ESRP2: variants seen among roughly 807,000 people sequenced by gnomAD.
The protein encoded by ESRP2 is RNA binding motif protein 35A.
ESRP2 carries 48 observed loss-of-function variants against 78.6 expected under a neutral mutation model. The observed-to-expected ratio is 0.61, with a 90% confidence interval of 0.48 to 0.78. The LOEUF (loss-of-function observed/expected upper bound fraction) is 0.78. Among genes scored for constraint, ESRP2 ranks in the 30% least tolerant of loss-of-function variants. The pLI is 0.00. For synonymous variants in ESRP2, 383 were observed against 406.7 expected (o/e 0.94, Z 0.70); for missense variants, 863 against 965.9 (o/e 0.89, Z 1.41).
At position 68,232,069 on chromosome 16, in the gene ESRP2, C is replaced by T; in HGVS notation, c.1032G>A (p.Arg344=). Reference sequence around the variant, plus strand: ...GCAGCCGCAGGATCACTTGGTCTTCCCGTGACAAGAAACGAGCCACCTCTA... The same window carrying T: ...GCAGCCGCAGGATCACTTGGTCTTCTCGTGACAAGAAACGAGCCACCTCTA... ...TSLEVARFLS[R]EDQVILRLRG... Residue 344 remains arginine, a synonymous_variant, in exon 10 of 15, where the codon CGG becomes CGA. Coordinates refer to ENST00000473183, the MANE Select transcript of ESRP2 (RefSeq NM_024939.3). This position sits in a 1 kb window ranked among gnomAD's most constrained non-coding sequence, Gnocchi z 5.2. 1 of 1,613,564 alleles carries T rather than the reference C, an allele frequency of 6.2e-7. No homozygotes were observed. Among genetic ancestry groups the T allele is most frequent in the Non-Finnish European group, 8.5e-7 (1 of 1,179,690 alleles).
intron 4 of ESRP2, 114 bp downstream of exon 4, chr16:68,233,654 T>C (rs916129184): frequency 4.4e-5 from 36 of 819,748 alleles, no homozygotes; most frequent in Non-Finnish European, 7.0e-5. Flanking sequence ...CTCAGGGACT[T>C]AGCAGATAAC....
rs959921725 is a variant in ESRP2 at position 68,235,046 on chromosome 16, G to C, written c.327+588C>G. 1.9e-5 allele frequency: 16 copies of C among 850,562 alleles called. No homozygotes were observed. Among genetic ancestry groups the C allele is most frequent in the Middle Eastern group, 1.2e-3 (2 of 1,694 alleles). 52.7% of individuals were successfully genotyped at this position (850,562 alleles called of 1,614,324 possible). A position where few individuals can be genotyped will look rare whatever the true frequency, so the allele number is the denominator to read the frequency against. Reference sequence around the variant, plus strand: ...GCAATGGAAACCACCTCCCACTTCAGCTAGGGCAGGAGGCACCCCAGGCCT... The same window carrying C: ...GCAATGGAAACCACCTCCCACTTCACCTAGGGCAGGAGGCACCCCAGGCCT... On this transcript the variant is annotated intron_variant, in intron 2 of 14. Coordinates refer to ENST00000473183, the MANE Select transcript of ESRP2 (RefSeq NM_024939.3). The surrounding 1 kb of genome is among the most constrained non-coding windows in gnomAD (Gnocchi z 5.5).
rs1555526244 is a variant in ESRP2 at position 68,230,902 on chromosome 16, C to G, written c.1837G>C (p.Val613Leu). The G allele has an allele frequency of 5.0e-6, 8 of 1,613,856 alleles. No individual in the cohort carries two copies. The highest frequency in any genetic ancestry group is 6.8e-6 in the Non-Finnish European group (8 of 1,179,926). The change falls in exon 13 of 15, where the codon GTT becomes CTT. Residue 613 changes from valine (V) to leucine (L), a missense_variant. Val to Leu is a conservative substitution (Grantham distance 32, BLOSUM62 1). Transcript: ENST00000473183. Reference protein sequence around the residue: ...AARVPAAPTPVAYYPGPATQL... With the variant: ...AARVPAAPTPLAYYPGPATQL... ...GTGGCTGGCCCTGGATAGTAGGCAACAGGGGTGGGGGCAGCAGGCACCCTG... is the reference window on the plus strand; with the variant it reads ...GTGGCTGGCCCTGGATAGTAGGCAAGAGGGGTGGGGGCAGCAGGCACCCTG...
chr16:68,233,394 ATCC>A lies in ESRP2; in HGVS notation c.585_587del (p.Glu195del), dbSNP rs1161714090. 6.2e-7 allele frequency: 1 copy of A among 1,614,122 alleles called. No homozygotes were observed. The highest frequency in any genetic ancestry group is 1.3e-5 in the African/African-American group (1 of 75,044). ...TCTTGACTTCCCAGACCCCAAAGTC[ATCC>A]TCTGTGGCATCTGTCTCCAGTCCTA... is the stretch of plus-strand genomic sequence containing the variant. On this transcript the variant is annotated inframe_deletion, in exon 5 of 15. Coordinates refer to ENST00000473183, the MANE Select transcript of ESRP2 (RefSeq NM_024939.3).
At chr16:68,234,150 G>T in intron 2 of ESRP2, 43 bp from the exon 3 acceptor site, 1 of 1,466,764 alleles carries the variant, frequency 6.8e-7, no homozygotes, top group Non-Finnish European at 9.4e-7. Flanking sequence ...CAGATTCACA[G>T]CTGGGCAGGC....
chr16:68,230,817 G>C, intron 13 of ESRP2, 24 bp downstream of exon 13: 1 of 1,613,640 alleles, frequency 6.2e-7, no homozygotes, highest in Non-Finnish European at 8.5e-7. Flanking sequence ...GTGGGACTGT[G>C]ATATTCTCTT....
At chr16:68,230,641 G>C in intron 13 of ESRP2, 87 bp from the exon 14 acceptor site, 1 of 1,477,040 alleles carries the variant, frequency 6.8e-7, no homozygotes, top group Middle Eastern at 2.5e-4. Context: ...TTTCTGCCTT[G>C]TGCTTAATTC....
At position 68,232,498 on chromosome 16, in the gene ESRP2, C is replaced by T; in HGVS notation, c.827G>A (p.Gly276Asp). The T allele has an allele frequency of 6.2e-7, 1 of 1,614,164 alleles. No homozygotes were observed. Among genetic ancestry groups the T allele is most frequent in the Non-Finnish European group, 8.5e-7 (1 of 1,180,024 alleles). Residue 276 changes from glycine to aspartate, a missense_variant, in exon 8 of 15, where the codon GGT becomes GAT. By Grantham distance (94) the Gly-to-Asp change is moderately conservative. Coordinates refer to ENST00000473183, the MANE Select transcript of ESRP2 (RefSeq NM_024939.3). This position sits in a 1 kb window ranked among gnomAD's most constrained non-coding sequence, Gnocchi z 5.2. ...CTGGGCGTTGAGGCAGAGTGCTACA[C>T]CACCCCTGTGGAGCCAGTGCTGTTA... ...FFKGLNVARG[G>D]VALCLNAQGR...
At chr16:68,233,515 C>G (rs1480471963) in intron 4 of ESRP2, 90 bp from the exon 5 acceptor site, 5 of 995,036 alleles carry the variant, frequency 5.0e-6, no homozygotes, top group Admixed American at 3.4e-5. Context: ...TAGACACATG[C>G]TGGAGACCAG....
rs752425144 is a variant in ESRP2, at chr16:68,234,030, T to C, written c.405A>G (p.Leu135=). ...CCTCGGGGTGCAGGACCTGTCGCAA[T>C]AGCTGCTGCCCATCAGTGCAGAGCA... The part of the protein sequence containing the change: ...PYMLCTDGQQ[L]LRQVLHPEAS... Residue 135 remains leucine (L), a synonymous_variant, in exon 3 of 15, where the codon CTA becomes CTG. Coordinates refer to ENST00000473183, the MANE Select transcript of ESRP2 (RefSeq NM_024939.3). 4 of 1,613,890 alleles carry C rather than the reference T, an allele frequency of 2.5e-6. No individual in the cohort carries two copies. Among genetic ancestry groups the C allele is most frequent in the African/African-American group, 2.7e-5 (2 of 74,896 alleles).
rs534439784 is a variant in ESRP2 at position 68,230,679 on chromosome 16, CAG to C, written c.1899-127_1899-126del. On this transcript the variant is annotated intron_variant, in intron 13 of 14. Transcript: ENST00000473183. ...TTCCTCCCTGAAGCCCCAGCCTCTA[CAG>C]AGTCATTTTCGATCTGTTTTGTAGA... 2.7e-5 allele frequency: 38 copies of C among 1,422,746 alleles called. No individual in the cohort carries two copies. In the African/African-American group the frequency reaches 4.1e-4, roughly 15 times the overall value. 88.1% of individuals were successfully genotyped at this position (1,422,746 alleles called of 1,614,324 possible).
intron 5 of ESRP2, chr16:68,233,096 G>A (rs776996782): frequency 1.2e-4 from 76 of 612,090 alleles, no homozygotes; most frequent in Non-Finnish European, 1.8e-4. Context: ...CTACTCTGGA[G>A]GCTTAGACAG....
chr16:68,235,305 G>A lies in ESRP2; in HGVS notation c.327+329C>T. On this transcript the variant is annotated intron_variant, in intron 2 of 14. Transcript: ENST00000473183. This position sits in a 1 kb window ranked among gnomAD's most constrained non-coding sequence, Gnocchi z 5.5. ...CCCTTTCGCTTCCGGCTGCGGCTCA[G>A]GGAGACCTGACCCAGCAGGTCTCCC... is the stretch of plus-strand genomic sequence containing the variant. 1.0e-6 allele frequency: 1 copy of A among 985,212 alleles called. No homozygotes were observed. Among genetic ancestry groups the A allele is most frequent in the South Asian group, 4.7e-5 (1 of 21,268 alleles). 61.0% of individuals were successfully genotyped at this position (985,212 alleles called of 1,614,324 possible).
At position 68,235,637 on chromosome 16, in the gene ESRP2, C is replaced by G. The variant is rs2042215411; in HGVS notation, c.324G>C (p.Gln108His). 1.3e-6 allele frequency: 2 copies of G among 1,597,356 alleles called. No homozygotes were observed. The highest frequency in any genetic ancestry group is 2.2e-5 in the South Asian group (2 of 90,954). Reference protein sequence around the residue: ...ARAEPLDKVLQQFSQLVNGDV... With the variant: ...ARAEPLDKVLHQFSQLVNGDV... The stretch of plus-strand genomic sequence containing the variant: ...CGCCACCCACCCCGGCGCTCACCTG[C>G]TGCAGCACCTTGTCCAGCGGCTCTG... The change falls in exon 2 of 15, where the codon CAG (glutamine) becomes CAC (histidine). Residue 108 changes from glutamine to histidine, a missense_variant. Physicochemically the swap from Gln to His is conservative, Grantham distance 24. Coordinates refer to ENST00000473183, the MANE Select transcript of ESRP2 (RefSeq NM_024939.3). The surrounding 1 kb of genome is among the most constrained non-coding windows in gnomAD (Gnocchi z 5.5).
Position 68,235,275 on chromosome 16 carries a change from T to G in ESRP2, c.327+359A>C, listed in dbSNP as rs2042208368. 1 of 985,278 alleles carries G rather than the reference T, an allele frequency of 1.0e-6. No individual in the cohort carries two copies. Among genetic ancestry groups the G allele is most frequent in the Non-Finnish European group, 1.2e-6 (1 of 829,926 alleles). The allele number at this position is 985,278 out of a possible 1,614,324, so 61.0% of individuals were successfully genotyped here. On this transcript the variant is annotated intron_variant, in intron 2 of 14. Coordinates refer to ENST00000473183, the MANE Select transcript of ESRP2 (RefSeq NM_024939.3). This position sits in a 1 kb window ranked among gnomAD's most constrained non-coding sequence, Gnocchi z 5.5. ...AGGACAGGTGACCTATATGGGCCCCTCGACCCCTTTCGCTTCCGGCTGCGG... is the reference window on the plus strand; with the variant it reads ...AGGACAGGTGACCTATATGGGCCCCGCGACCCCTTTCGCTTCCGGCTGCGG...
rs1250710496 is a variant in ESRP2 at position 68,229,262 on chromosome 16, C to T, written c.*964G>A. ...TAAACAGTGACAGGTCAACAGTATC[C>T]TTAATCTGTCTGAGTGTTCCTCCGC... On this transcript the variant is annotated 3_prime_UTR_variant, in exon 15 of 15. Coordinates refer to ENST00000473183, the MANE Select transcript of ESRP2 (RefSeq NM_024939.3). 1 of 152,312 alleles carries T rather than the reference C, an allele frequency of 6.6e-6. No individual in the cohort carries two copies. Among genetic ancestry groups the T allele is most frequent in the African/African-American group, 2.4e-5 (1 of 41,468 alleles). The allele number at this position is 152,312 out of a possible 1,614,324, so 9.4% of individuals were successfully genotyped here.
At chr16:68,233,694 C>A in intron 4 of ESRP2, 74 bp downstream of exon 4, 2 of 1,109,906 alleles carry the variant, frequency 1.8e-6, no homozygotes, top group South Asian at 1.3e-5. Flanking sequence ...TATTACCCAC[C>A]CACAGCATGC....
intron 4 of ESRP2, 159 bp downstream of exon 4, chr16:68,233,609 A>G: frequency 1.4e-6 from 1 of 731,324 alleles, no homozygotes; most frequent in South Asian, 1.6e-5. Context: ...CCACATTCCA[A>G]ACTCATCCTA....
At position 68,229,171 on chromosome 16, in the gene ESRP2, C is replaced by T. The variant is rs980893135; in HGVS notation, c.*1055G>A. ...AAACCTTTTATGGGAGTGCAGTGCT[C>T]CTTACACAAATACAAAGGGAAGAAG... On this transcript the variant is annotated 3_prime_UTR_variant, in exon 15 of 15. Transcript: ENST00000473183. The T allele has an allele frequency of 2.0e-5, 3 of 152,176 alleles. No homozygotes were observed. The highest frequency in any genetic ancestry group is 7.2e-5 in the African/African-American group (3 of 41,426). The allele number at this position is 152,176 out of a possible 1,614,324, so 9.4% of individuals were successfully genotyped here. A position where few individuals can be genotyped will look rare whatever the true frequency, so the allele number is the denominator to read the frequency against.
Sources: allele counts gnomAD v4.1 joint callset, GRCh38; gene constraint gnomAD v4.1.1; non-coding constraint Gnocchi (gnomAD v3.1); transcripts MANE v1.5; gene names NCBI Gene and HGNC (gene_info 2026-07-23, HGNC 2026-07-21).